NRF1: variants seen among roughly 807,000 people sequenced by gnomAD.
The protein encoded by NRF1 is alpha palindromic-binding protein.
A neutral mutation model predicts 58.5 loss-of-function variants in NRF1; 5 were observed. That is an observed-to-expected ratio of 0.09 (90% CI 0.04 to 0.18). NRF1 has a LOEUF of 0.18. NRF1 is among the 10% of genes least tolerant of loss of function. The pLI is 1.00. For synonymous variants in NRF1, 224 were observed against 246.7 expected (o/e 0.91, Z 0.86); for missense variants, 288 against 657.7 (o/e 0.44, Z 6.15).
intron 10 of NRF1, among the ~76,000 whole-genome samples, chr7:129,748,098 A>T (rs1562992876): frequency 6.6e-6 from 1 of 151,258 alleles, no homozygotes; most frequent in Non-Finnish European, 1.5e-5. Context: ...ACATGGTGAA[A>T]CCCCCACCTC....
intron 1 of NRF1, among the ~76,000 whole-genome samples, chr7:129,632,638 GA>G (rs547218967): frequency 1.9e-4 from 28 of 144,868 alleles, no homozygotes; most frequent in African/African-American, 4.3e-4. Flanking sequence ...TGTATCCACT[GA>G]AAAAAAAAAC....
rs71167214 is a variant in NRF1 at position 129,742,275 on chromosome 7, T to TAAAA, written c.1349-12729_1349-12726dup. 1.1e-3 allele frequency among the ~76,000 whole-genome samples: 143 copies of TAAAA among 126,762 alleles called. 3 individuals carry two copies. The highest frequency in any genetic ancestry group is 4.3e-3 in the Middle Eastern group (1 of 230). The allele number at this position is 126,762 out of a possible 152,430, so 83.2% of individuals were successfully genotyped here. On this transcript the variant is annotated intron_variant, in intron 10 of 10. Coordinates refer to ENST00000393232, the MANE Select transcript of NRF1 (RefSeq NM_005011.5). ...ATGGGATTTTCTAAGTGAAATTGATTAAAAAAAAAAAAAAAAACAAAAAAC... is the reference window on the plus strand; with the variant it reads ...ATGGGATTTTCTAAGTGAAATTGATTAAAAAAAAAAAAAAAAAAAAACAAAAAAC...
rs1473570526 is a variant in NRF1 at position 129,612,246 on chromosome 7, C to T, written c.-7+422C>T. ...GGGAGGTGGGCGGGCTGCGCGGGAC[C>T]GGAGCCGCGGCTCTCGGCTCGCCCC... is the stretch of plus-strand genomic sequence containing the variant. On this transcript the variant is annotated intron_variant, in intron 1 of 10. Transcript: ENST00000393232. Among the ~76,000 whole-genome samples, 11 of 150,714 alleles carry T rather than the reference C, an allele frequency of 7.3e-5. No homozygotes were observed. In the South Asian group the frequency reaches 2.3e-3, roughly 31 times the overall value.
intron 5 of NRF1, among the ~76,000 whole-genome samples, chr7:129,703,020 G>A (rs1802868687): frequency 6.6e-6 from 1 of 152,158 alleles, no homozygotes. Flanking sequence ...GAAATTTCTA[G>A]CATAGCAAGA....
At chr7:129,750,602 C>T (rs1201827044) in intron 10 of NRF1, among the ~76,000 whole-genome samples, 2 of 152,168 alleles carry the variant, frequency 1.3e-5, no homozygotes, top group Non-Finnish European at 2.9e-5. Flanking sequence ...GAAATGACTC[C>T]CATCATGGCC....
intron 1 of NRF1, among the ~76,000 whole-genome samples, chr7:129,621,944 G>A (rs1010695726): frequency 6.6e-6 from 1 of 151,802 alleles, no homozygotes; most frequent in East Asian, 1.9e-4. Flanking sequence ...CACCATGCCG[G>A]GCTAATTTTT....
intron 2 of NRF1, among the ~76,000 whole-genome samples, chr7:129,666,942 A>G (rs1333600564): frequency 2.0e-5 from 3 of 152,234 alleles, no homozygotes; most frequent in African/African-American, 7.2e-5. Flanking sequence ...GAGTACACAT[A>G]TAGCCAAAAC....
Position 129,735,805 on chromosome 7 carries a change from G to A in NRF1, c.1348+8440G>A, listed in dbSNP as rs561253753. 1.5e-3 allele frequency among the ~76,000 whole-genome samples: 227 copies of A among 152,138 alleles called. 1 individual carries two copies. The highest frequency in any genetic ancestry group is 5.0e-3 in the African/African-American group (209 of 41,486). Reference sequence around the variant, plus strand: ...AGATGGATCACGAGGTCAGGAGATCGAGACCATCCTGACTAACACGGTGAA... The same window carrying A: ...AGATGGATCACGAGGTCAGGAGATCAAGACCATCCTGACTAACACGGTGAA... On this transcript the variant is annotated intron_variant, in intron 10 of 10. Transcript: ENST00000393232.
intron 4 of NRF1, among the ~76,000 whole-genome samples, chr7:129,680,116 T>C (rs944202304): frequency 7.2e-5 from 11 of 152,100 alleles, no homozygotes; most frequent in African/African-American, 2.7e-4. Context: ...AGATATTTCT[T>C]CAAAGAAGAT....
chr7:129,634,972 A>AT (rs1262498357), intron 1 of NRF1, among the ~76,000 whole-genome samples: 4 of 151,490 alleles, frequency 2.6e-5, no homozygotes, highest in Non-Finnish European at 4.4e-5. Context: ...TTCTTTATCT[A>AT]TTTTTTTCCT....
chr7:129,611,912 C>G (rs998743715), intron 1 of NRF1, 88 bp downstream of exon 1: 1 of 148,762 alleles, frequency 6.7e-6, no homozygotes, highest in African/African-American at 2.4e-5. Context: ...CGGCCCGCCC[C>G]GCAGCCGGCA....
chr7:129,691,647 AC>A (rs1802571970), intron 5 of NRF1, among the ~76,000 whole-genome samples: 4 of 151,860 alleles, frequency 2.6e-5, no homozygotes, highest in Admixed American at 2.6e-4. Flanking sequence ...GAGCCACCAC[AC>A]CCAGCCCACC....
rs1271031143 is a variant in NRF1, at chr7:129,741,156, A to AATG, written c.1348+13793_1348+13795dup. Among the ~76,000 whole-genome samples, 4 of 152,072 alleles carry AATG rather than the reference A, an allele frequency of 2.6e-5. No homozygotes were observed. Among genetic ancestry groups the AATG allele is most frequent in the African/African-American group, 9.7e-5 (4 of 41,374 alleles). On this transcript the variant is annotated intron_variant, in intron 10 of 10. Transcript: ENST00000393232. This position sits in a 1 kb window ranked among gnomAD's most constrained non-coding sequence, Gnocchi z 4.0. ...GGGTATTCTCAGCTTGGGGAAACTC[A>AATG]ATGAGCCAGCACACCATCCTATGAA...
In NRF1 at chr7:129,684,056, C is replaced by CA. The variant is rs571833964; in HGVS notation, c.465+6305dup. Among the ~76,000 whole-genome samples the CA allele has an allele frequency of 3.2e-3, 482 of 151,696 alleles. 4 individuals carry two copies. The highest frequency in any genetic ancestry group is 0.02 in the Middle Eastern group (6 of 294). ...AAAGGAATATTCATTGTCTTATTTT[C>CA]AAAAAAATTTATATGAGAAAGTTGG... On this transcript the variant is annotated intron_variant, in intron 4 of 10. Coordinates refer to ENST00000393232, the MANE Select transcript of NRF1 (RefSeq NM_005011.5).
intron 9 of NRF1, among the ~76,000 whole-genome samples, chr7:129,719,650 A>G (rs1474704008): frequency 6.6e-6 from 1 of 150,734 alleles, no homozygotes; most frequent in Non-Finnish European, 1.5e-5. Context: ...TTTTTCCCCC[A>G]CTCACGTATA....
At chr7:129,697,974 T>C (rs1356987366) in intron 5 of NRF1, among the ~76,000 whole-genome samples, 2 of 152,158 alleles carry the variant, frequency 1.3e-5, no homozygotes, top group Non-Finnish European at 2.9e-5. Flanking sequence ...TCAGGCAATC[T>C]GCCGGTCTTG....
intron 4 of NRF1, among the ~76,000 whole-genome samples, chr7:129,683,353 G>GAT (rs1802372499): frequency 6.8e-6 from 1 of 147,640 alleles, no homozygotes; most frequent in African/African-American, 2.5e-5. Context: ...GAGAAAGAGA[G>GAT]AGACTTGCTC....
intron 1 of NRF1, among the ~76,000 whole-genome samples, chr7:129,614,367 T>C (rs1200609245): frequency 6.6e-6 from 1 of 152,062 alleles, no homozygotes; most frequent in Non-Finnish European, 1.5e-5. Flanking sequence ...CTGCTGGGCT[T>C]GGCCTCCGAA....
intron 2 of NRF1, among the ~76,000 whole-genome samples, chr7:129,662,477 A>G (rs1053270044): frequency 4.6e-5 from 7 of 151,400 alleles, no homozygotes; most frequent in African/African-American, 1.7e-4. Context: ...AATTTCTTTT[A>G]AACAAATAAT....
Sources: gnomAD v4.1 joint callset for allele counts (sites outside exome capture counted in the v4.1 genomes callset) on GRCh38, gnomAD v4.1.1 for gene constraint, Gnocchi (gnomAD v3.1) non-coding constraint, MANE v1.5 for transcripts, NCBI Gene and HGNC (gene_info 2026-07-23, HGNC 2026-07-21) for gene names.